Variants in PLCB3 observed in about 807,000 individuals in gnomAD.
PLCB3 encodes phospholipase C beta 3.
Under a neutral mutation model 152.1 loss-of-function variants are expected in PLCB3, and 54 were observed. That is an observed-to-expected ratio of 0.36 (90% CI 0.29 to 0.45). PLCB3 has a LOEUF of 0.45. Among genes scored for constraint, PLCB3 ranks in the 20% least tolerant of loss-of-function variants. The probability of loss-of-function intolerance (pLI) is 1.00; values close to 1 mark genes in which losing one functional copy is unlikely to be tolerated. For synonymous variants in PLCB3, 717 were observed against 698.7 expected, an observed-to-expected ratio of 1.03 and a Z score of -0.41; for missense variants, 1,248 against 1,687.5, an observed-to-expected ratio of 0.74 and a Z score of 4.56.
chr11:64,256,716 C>T lies in PLCB3; in HGVS notation c.964C>T (p.Pro322Ser). The T allele has an allele frequency of 1.2e-6, 2 of 1,614,188 alleles. No individual in the cohort carries two copies. Among genetic ancestry groups the T allele is most frequent in the Non-Finnish European group, 1.7e-6 (2 of 1,180,010 alleles). ...GGATCTGAGCACGGACATGACCCAG[C>T]CACTGAGTGCCTACTTCATCAACTC... ...ALDLSTDMTQPLSAYFINSSH... is the reference protein window; with the variant it reads ...ALDLSTDMTQSLSAYFINSSH... Residue 322 changes from proline to serine, a missense_variant, in exon 10 of 31, where the codon CCA becomes TCA. Physicochemically the swap from Pro to Ser is moderately conservative, Grantham distance 74. This residue lies in a region of PLCB3 where 299 missense variants were observed against 434.7 expected (regional missense o/e 0.69). Transcript: ENST00000279230.
In PLCB3 at chr11:64,267,309, A is replaced by G. The variant is rs1346607483; in HGVS notation, c.3501+38A>G. 1.9e-6 allele frequency: 3 copies of G among 1,550,598 alleles called. No homozygotes were observed. The East Asian group carries it at 7.3e-5, about 38-fold the overall frequency. The stretch of plus-strand genomic sequence containing the variant: ...GCGAACAGGTGGGCAGACGGGGTGC[A>G]AGGCAGCCAGGCCTCGCCTGTGATG... On this transcript the variant is annotated intron_variant, in intron 30 of 30. Coordinates refer to ENST00000279230, the MANE Select transcript of PLCB3 (RefSeq NM_000932.5). The surrounding 1 kb of genome is among the most constrained non-coding windows in gnomAD (Gnocchi z 5.2).
In PLCB3 at chr11:64,255,925, C is replaced by A; in HGVS notation, c.698+104C>A. The A allele has an allele frequency of 1.1e-6, 1 of 914,428 alleles. No homozygotes were observed. Among genetic ancestry groups the A allele is most frequent in the Non-Finnish European group, 1.8e-6 (1 of 559,984 alleles). 56.6% of individuals were successfully genotyped at this position (914,428 alleles called of 1,614,324 possible). Reference sequence around the variant, plus strand: ...AGAGGGGAAACTGGTGGGCCGGGTCCTGGAGCGCCAGGGGGCGGAGGGGTG... The same window carrying A: ...AGAGGGGAAACTGGTGGGCCGGGTCATGGAGCGCCAGGGGGCGGAGGGGTG... On this transcript the variant is annotated intron_variant, in intron 8 of 30. Coordinates refer to ENST00000279230, the MANE Select transcript of PLCB3 (RefSeq NM_000932.5). This position sits in a 1 kb window ranked among gnomAD's most constrained non-coding sequence, Gnocchi z 6.8.
intron 1 of PLCB3, among the ~76,000 whole-genome samples, chr11:64,253,932 T>C (rs963721057): frequency 5.3e-5 from 8 of 152,284 alleles, no homozygotes; most frequent in South Asian, 4.1e-4. Context: ...TCCCAAGGGA[T>C]GCAGAAGGGC....
chr11:64,259,165 G>A lies in PLCB3; in HGVS notation c.1446G>A (p.Gly482=), dbSNP rs1177048785. 2.8e-5 allele frequency: 45 copies of A among 1,605,316 alleles called. No individual in the cohort carries two copies. Among genetic ancestry groups the A allele is most frequent in the Non-Finnish European group, 3.8e-5 (45 of 1,176,542 alleles). Residue 482 remains glycine, a synonymous_variant, in exon 13 of 31, where the codon GGG becomes GGA. Coordinates refer to ENST00000279230, the MANE Select transcript of PLCB3 (RefSeq NM_000932.5). ...GCGCAGGTGGCCCAGACAGCGCCGG[G>A]CGCAAGCGGCCCCTGGAGCAGAGCA... ...RPSAGGPDSA[G]RKRPLEQSNS...
chr11:64,264,903 T>C (rs945081879), intron 22 of PLCB3, 48 bp from the exon 23 acceptor site: 2 of 1,602,176 alleles, frequency 1.2e-6, no homozygotes, highest in African/African-American at 2.7e-5. Flanking sequence ...CAGAAGGGTC[T>C]GGAGGGAACA....
In PLCB3 at chr11:64,266,691, AC is replaced by A. The variant is rs1387962223; in HGVS notation, c.3414+142del. 5 of 790,592 alleles carry A rather than the reference AC, an allele frequency of 6.3e-6. No homozygotes were observed. The highest frequency in any genetic ancestry group is 1.1e-5 in the Non-Finnish European group (5 of 470,886). 49.0% of individuals were successfully genotyped at this position (790,592 alleles called of 1,614,324 possible). On this transcript the variant is annotated intron_variant, in intron 29 of 30. Coordinates refer to ENST00000279230, the MANE Select transcript of PLCB3 (RefSeq NM_000932.5). The surrounding 1 kb of genome is among the most constrained non-coding windows in gnomAD (Gnocchi z 4.9). Reference sequence around the variant, plus strand: ...CTCAAGTGCCCAACAGCCCCAGGGTACCCACATCATACCCAAAGCCAACTGT... The same window carrying A: ...CTCAAGTGCCCAACAGCCCCAGGGTACCACATCATACCCAAAGCCAACTGT...
intron 1 of PLCB3, among the ~76,000 whole-genome samples, chr11:64,253,948 G>C (rs1021369180): frequency 1.3e-5 from 2 of 152,200 alleles, no homozygotes; most frequent in East Asian, 3.8e-4. Context: ...AGGGCAGTGG[G>C]AGTCAGACTT....
chr11:64,263,343 A>C (rs2135061049), intron 19 of PLCB3, 155 bp from the exon 20 acceptor site: 1 of 596,158 alleles, frequency 1.7e-6, no homozygotes, highest in East Asian at 2.8e-5. Context: ...AAGTGGGGTC[A>C]GCCATCAGCT....
At chr11:64,259,008 A>AG in intron 12 of PLCB3, 39 bp downstream of exon 12, 1 of 1,612,848 alleles carries the variant, frequency 6.2e-7, no homozygotes, top group Non-Finnish European at 8.5e-7. Flanking sequence ...CATGGGGGCC[A>AG]GGGTGCTGCG....
intron 13 of PLCB3, 94 bp from the exon 14 acceptor site, chr11:64,259,935 G>A (rs974127031): frequency 1.6e-5 from 16 of 1,026,044 alleles, no homozygotes; most frequent in Non-Finnish European, 2.0e-5. Context: ...ATTCCCCACT[G>A]AGTCACCTCG....
Position 64,267,737 on chromosome 11 carries a change from T to C in PLCB3, c.*181T>C, listed in dbSNP as rs2032200810. ...CTCCTGGGGCCCCTCCTTCCTGCCC[T>C]CAGTCTTAGGTTAGGGCCTTGGTCA... On this transcript the variant is annotated 3_prime_UTR_variant, in exon 31 of 31. Coordinates refer to ENST00000279230, the MANE Select transcript of PLCB3 (RefSeq NM_000932.5). The surrounding 1 kb of genome is among the most constrained non-coding windows in gnomAD (Gnocchi z 5.2). 1 of 597,234 alleles carries C rather than the reference T, an allele frequency of 1.7e-6. No homozygotes were observed. The highest frequency in any genetic ancestry group is 2.9e-6 in the Non-Finnish European group (1 of 343,176). 37.0% of individuals were successfully genotyped at this position (597,234 alleles called of 1,614,324 possible). A position where few individuals can be genotyped will look rare whatever the true frequency, so the allele number is the denominator to read the frequency against.
downstream of PLCB3, chr11:64,268,511 G>A (rs2032252957): frequency 6.6e-6 from 1 of 152,270 alleles, no homozygotes; most frequent in African/African-American, 2.4e-5. Context: ...CAGATGAGGA[G>A]ACTGAGGCCC....
chr11:64,260,272 T>G (rs1227075797), intron 14 of PLCB3, 38 bp downstream of exon 14: 1 of 1,412,556 alleles, frequency 7.1e-7, no homozygotes, highest in Non-Finnish European at 9.7e-7. Context: ...GGAGGTAGCA[T>G]CTATTTACCT....
Position 64,255,342 on chromosome 11 carries a change from CG to C in PLCB3, c.467+35del. 1 of 1,613,468 alleles carries C rather than the reference CG, an allele frequency of 6.2e-7. No individual in the cohort carries two copies. The highest frequency in any genetic ancestry group is 8.5e-7 in the Non-Finnish European group (1 of 1,179,542). ...AGCCCCAGGCCACCCGAGGGGGAGC[CG>C]GGGGGTTCACGTGGCCGTTTTCAGG... On this transcript the variant is annotated intron_variant, in intron 5 of 30. Transcript: ENST00000279230. The surrounding 1 kb of genome is among the most constrained non-coding windows in gnomAD (Gnocchi z 6.8).
At chr11:64,261,926 G>A in intron 16 of PLCB3, 26 bp from the exon 17 acceptor site, 2 of 1,613,652 alleles carry the variant, frequency 1.2e-6, no homozygotes, top group Non-Finnish European at 1.7e-6. Context: ...CCTGGCACCT[G>A]TGTGGCCCCT....
intron 3 of PLCB3, 30 bp downstream of exon 3, chr11:64,254,846 C>T: frequency 6.2e-7 from 1 of 1,613,838 alleles, no homozygotes; most frequent in East Asian, 2.2e-5. Context: ...GTGAAGACCA[C>T]AGCGAGGCTG....
rs750702491 is a variant in PLCB3, at chr11:64,260,135, C to G, written c.1632C>G (p.Asn544Lys). ...AGTCTCTGGGTGACGAGGGCCTGAA[C>G]CGAGGCCCCTATGTTCTTGGACCTG... is the stretch of plus-strand genomic sequence containing the variant. ...PQKSLGDEGLNRGPYVLGPAD... is the reference protein window; with the variant it reads ...PQKSLGDEGLKRGPYVLGPAD... The change falls in exon 14 of 31, where the codon AAC becomes AAG. Residue 544 changes from asparagine (N) to lysine (K), a missense_variant. Physicochemically the swap from Asn to Lys is moderately conservative, Grantham distance 94. This residue lies in a region of PLCB3 where 105 missense variants were observed against 100.9 expected (regional missense o/e 1.04). Transcript: ENST00000279230. 1.9e-6 allele frequency: 3 copies of G among 1,611,150 alleles called. No individual in the cohort carries two copies. Among genetic ancestry groups the G allele is most frequent in the Admixed American group, 1.7e-5 (1 of 59,204 alleles).
Position 64,259,132 on chromosome 11 carries a change from C to T in PLCB3, c.1413C>T (p.His471=), listed in dbSNP as rs1226788350. The change falls in exon 13 of 31, where the codon CAC becomes CAT. Residue 471 remains histidine, a synonymous_variant. Coordinates refer to ENST00000279230, the MANE Select transcript of PLCB3 (RefSeq NM_000932.5). Reference sequence around the variant, plus strand: ...TCCTGGTGAAGAACAAGAAGCGGCACCGACCCAGCGCAGGTGGCCCAGACA... The same window carrying T: ...TCCTGGTGAAGAACAAGAAGCGGCATCGACCCAGCGCAGGTGGCCCAGACA... The part of the protein sequence containing the change: ...GRILVKNKKR[H]RPSAGGPDSA... 6.2e-7 allele frequency: 1 copy of T among 1,611,636 alleles called. No individual in the cohort carries two copies. Among genetic ancestry groups the T allele is most frequent in the African/African-American group, 1.3e-5 (1 of 74,868 alleles).
chr11:64,259,226 C>A lies in PLCB3; in HGVS notation c.1507C>A (p.Pro503Thr). Reference sequence around the variant, plus strand: ...GAGCGAGAGCTCCGCGGCCACCGAGCCCTCCTCCCCGCAGCTGGGTAGGCC... The same window carrying A: ...GAGCGAGAGCTCCGCGGCCACCGAGACCTCCTCCCCGCAGCTGGGTAGGCC... Reference protein sequence around the residue: ...ALSESSAATEPSSPQLGSPSS... With the variant: ...ALSESSAATETSSPQLGSPSS... The change falls in exon 13 of 31, where the codon CCC becomes ACC. Residue 503 changes from proline (P) to threonine (T), a missense_variant. Physicochemically the swap from Pro to Thr is conservative, Grantham distance 38. Coordinates refer to ENST00000279230, the MANE Select transcript of PLCB3 (RefSeq NM_000932.5). 1.3e-6 allele frequency: 2 copies of A among 1,545,310 alleles called. No individual in the cohort carries two copies. The highest frequency in any genetic ancestry group is 1.9e-5 in the Admixed American group (1 of 52,942).
Sources: gnomAD v4.1 joint callset for allele counts (sites outside exome capture counted in the v4.1 genomes callset) on GRCh38, gnomAD v4.1.1 for gene constraint, gnomAD v4.1.1 regional missense constraint, Gnocchi (gnomAD v3.1) non-coding constraint, MANE v1.5 for transcripts, NCBI Gene and HGNC (gene_info 2026-07-23, HGNC 2026-07-21) for gene names.